RPH3AL: variants seen among roughly 807,000 people sequenced by gnomAD.
RPH3AL encodes the protein rab effector Noc2.
A neutral mutation model predicts 43.1 loss-of-function variants in RPH3AL; 38 were observed. That is an observed-to-expected ratio of 0.88 (90% CI 0.68 to 1.15). The LOEUF (loss-of-function observed/expected upper bound fraction) is 1.15, where lower values mean the gene tolerates loss of function less well. Ranked by LOEUF, RPH3AL falls within the 50% of genes most tolerant of loss-of-function variation. The probability of loss-of-function intolerance (pLI) is 0.00; values close to 1 mark genes in which losing one functional copy is unlikely to be tolerated. For missense variants in RPH3AL, 462 were observed against 423.2 expected (o/e 1.09, Z -0.81); for synonymous variants, 189 against 176.3 (o/e 1.07, Z -0.57).
chr17:233,806 G>A (rs28529202), intron 7 of RPH3AL, among the ~76,000 whole-genome samples: 55,218 of 87,322 alleles, frequency 0.63, 17,150 homozygotes, highest in East Asian at 0.68. Context: ...GGACTGCAGC[G>A]AACCACAGAA....
At chr17:228,017 G>A (rs999292887) in intron 7 of RPH3AL, among the ~76,000 whole-genome samples, 6 of 152,098 alleles carry the variant, frequency 3.9e-5, no homozygotes, top group East Asian at 1.9e-4. Flanking sequence ...GACAGGGGAC[G>A]GCTGCTCCAC....
intron 4 of RPH3AL, 138 bp downstream of exon 4, chr17:321,134 C>T: frequency 9.1e-7 from 1 of 1,093,380 alleles, no homozygotes; most frequent in African/African-American, 1.6e-5. Context: ...TCAGCAAGGG[C>T]TGGAGTCAGG....
intron 5 of RPH3AL, among the ~76,000 whole-genome samples, chr17:313,018 A>G (rs2043681996): frequency 6.6e-6 from 1 of 152,212 alleles, no homozygotes. Context: ...CTCACTGGCA[A>G]GTCCAGGAGA....
rs2042929378 is a variant in RPH3AL at position 286,926 on chromosome 17, T to TCAGACCTCGCACCCTCTCTCCACCGC, written c.352-5073_352-5072insGCGGTGGAGAGAGGGTGCGAGGTCTG. Among the ~76,000 whole-genome samples, 2 of 128,902 alleles carry TCAGACCTCGCACCCTCTCTCCACCGC rather than the reference T, an allele frequency of 1.6e-5. 1 individual carries two copies. The highest frequency in any genetic ancestry group is 3.3e-5 in the Non-Finnish European group (2 of 60,608). The allele number at this position is 128,902 out of a possible 152,430, so 84.6% of individuals were successfully genotyped here. A position where few individuals can be genotyped will look rare whatever the true frequency, so the allele number is the denominator to read the frequency against. ...GACCTCGCACCCTCTCTCTCCACCG[T>TCAGACCTCGCACCCTCTCTCCACCGC]CAGACCTCGCACCCTCTCTCTCCAC... On this transcript the variant is annotated intron_variant, in intron 5 of 9. Transcript: ENST00000331302.
chr17:216,545 C>A (rs1434997319), intron 8 of RPH3AL, among the ~76,000 whole-genome samples: 4 of 152,040 alleles, frequency 2.6e-5, no homozygotes, highest in African/African-American at 9.7e-5. Context: ...TCTCCCAGTC[C>A]TGCTTGGTCA....
chr17:250,377 G>A (rs545967852), intron 6 of RPH3AL, among the ~76,000 whole-genome samples: 100 of 124,686 alleles, frequency 8.0e-4, no homozygotes, highest in African/African-American at 2.3e-3. Context: ...CCGTCGCTGC[G>A]GGACCTCTCA....
chr17:253,509 A>C (rs1328097024), intron 6 of RPH3AL, among the ~76,000 whole-genome samples: 1 of 152,148 alleles, frequency 6.6e-6, no homozygotes, highest in East Asian at 1.9e-4. Flanking sequence ...TTTTTAAAAA[A>C]ATTAAAAATG....
Position 340,446 on chromosome 17 carries a change from A to C in RPH3AL, c.-212-6512T>G, listed in dbSNP as rs370234753. ...CCCACATCCATACTCACTGCCCCCC[A>C]CCCAGGCCTCCCCACATCCACACTC... On this transcript the variant is annotated intron_variant, in intron 1 of 9. Coordinates refer to ENST00000331302, the MANE Select transcript of RPH3AL (RefSeq NM_006987.4). Among the ~76,000 whole-genome samples the C allele has an allele frequency of 1.1e-3, 7 of 6,120 alleles. 3 individuals are homozygous for C. Among genetic ancestry groups the C allele is most frequent in the Non-Finnish European group, 2.2e-3 (6 of 2,778 alleles). 4.0% of individuals were successfully genotyped at this position (6,120 alleles called of 152,430 possible).
intron 1 of RPH3AL, among the ~76,000 whole-genome samples, chr17:342,752 G>C (rs942788252): frequency 6.6e-6 from 1 of 152,164 alleles, no homozygotes; most frequent in Non-Finnish European, 1.5e-5. Flanking sequence ...GTGATGATTG[G>C]TGATGGTGAT....
At chr17:303,246 C>T (rs2043375483) in intron 5 of RPH3AL, among the ~76,000 whole-genome samples, 1 of 151,996 alleles carries the variant, frequency 6.6e-6, no homozygotes, top group African/African-American at 2.4e-5. Context: ...GAGAAATTAG[C>T]CAGGAGTGGT....
At chr17:315,578 A>AGCTGTCGTC (rs2043996025) in intron 5 of RPH3AL, among the ~76,000 whole-genome samples, 1 of 140,116 alleles carries the variant, frequency 7.1e-6, no homozygotes, top group African/African-American at 2.8e-5. Context: ...ACCTCCATTG[A>AGCTGTCGTC]CCTGTAGTCC....
At chr17:346,431 G>A (rs1288320329) in intron 1 of RPH3AL, among the ~76,000 whole-genome samples, 2 of 135,186 alleles carry the variant, frequency 1.5e-5, no homozygotes, top group African/African-American at 5.1e-5. Flanking sequence ...AAGGCAAGGA[G>A]GAGCAAGTCA....
intron 5 of RPH3AL, among the ~76,000 whole-genome samples, chr17:300,165 T>C (rs1398397084): frequency 2.3e-4 from 16 of 69,244 alleles, no homozygotes; most frequent in African/African-American, 8.3e-4. Context: ...GCAGAATCTC[T>C]CACCCACTCT....
At chr17:234,017 C>T (rs2041299451) in intron 7 of RPH3AL, among the ~76,000 whole-genome samples, 3 of 48,934 alleles carry the variant, frequency 6.1e-5, no homozygotes, top group Admixed American at 1.8e-4. Context: ...GAGCAGGGAG[C>T]GGCTACTTAC....
intron 5 of RPH3AL, among the ~76,000 whole-genome samples, chr17:311,657 T>C (rs1452397069): frequency 6.6e-6 from 1 of 152,190 alleles, no homozygotes; most frequent in African/African-American, 2.4e-5. Context: ...GAAAGACATT[T>C]ATACGAGTAA....
chr17:255,920 C>T (rs374579231), intron 6 of RPH3AL, among the ~76,000 whole-genome samples: 11 of 33,736 alleles, frequency 3.3e-4, no homozygotes, highest in East Asian at 1.9e-3. Context: ...TGAGGGGAGC[C>T]GCACGGCGTC....
At chr17:258,120 C>T (rs137979538) in intron 6 of RPH3AL, among the ~76,000 whole-genome samples, 2 of 152,338 alleles carry the variant, frequency 1.3e-5, no homozygotes, top group South Asian at 2.1e-4. Context: ...TTCCCCTGTA[C>T]GGATGGATCA....
chr17:213,794 C>T lies in RPH3AL; in HGVS notation c.*58G>A. On this transcript the variant is annotated 3_prime_UTR_variant, in exon 10 of 10. Transcript: ENST00000331302. ...GGCACAAGGACCGGTCAGGGAGGAG[C>T]CGGGCAGGGTCTGGCAGGAATCCTC... 1 of 1,414,522 alleles carries T rather than the reference C, an allele frequency of 7.1e-7. No homozygotes were observed. Among genetic ancestry groups the T allele is most frequent in the East Asian group, 2.3e-5 (1 of 43,204 alleles). The allele number at this position is 1,414,522 out of a possible 1,614,324, so 87.6% of individuals were successfully genotyped here. A position where few individuals can be genotyped will look rare whatever the true frequency, so the allele number is the denominator to read the frequency against.
chr17:331,722 G>A, intron 2 of RPH3AL: 3 of 1,288,356 alleles, frequency 2.3e-6, no homozygotes, highest in African/African-American at 3.0e-5. Context: ...TCACCAGTGG[G>A]TAAACTATGC....
Sources: allele counts gnomAD v4.1 joint callset (sites outside exome capture counted in the v4.1 genomes callset), GRCh38; gene constraint gnomAD v4.1.1; transcripts MANE v1.5; gene names NCBI Gene and HGNC (gene_info 2026-07-23, HGNC 2026-07-21).